PRKAA1: variants seen among roughly 807,000 people sequenced by gnomAD.
PRKAA1 encodes protein kinase AMP-activated catalytic subunit alpha 1, also known as 5'-AMP-activated protein kinase catalytic subunit alpha-1.
In PRKAA1, 23 loss-of-function variants were observed where a neutral mutation model predicts 56.9. The ratio of observed to expected loss-of-function variants is 0.40; its 90% CI spans 0.29 to 0.57. The LOEUF is 0.57. Among genes scored for constraint, PRKAA1 ranks in the 20% least tolerant of loss-of-function variants. The pLI, the probability that PRKAA1 is intolerant of heterozygous loss-of-function variation, is 0.39. For missense variants in PRKAA1, 413 were observed against 679.7 expected (o/e 0.61, Z 4.36); for synonymous variants, 226 against 227.0 (o/e 1.00, Z 0.04).
chr5:40,779,833 A>C (rs774840000), intron 1 of PRKAA1, among the ~76,000 whole-genome samples: 8 of 152,206 alleles, frequency 5.3e-5, no homozygotes, highest in Admixed American at 6.5e-5. Context: ...TTTTATGTAC[A>C]TGCACAATGC....
intron 8 of PRKAA1, 102 bp from the exon 9 acceptor site, chr5:40,763,124 T>C (rs1743269264): frequency 8.6e-7 from 1 of 1,165,686 alleles, no homozygotes; most frequent in African/African-American, 1.5e-5. Flanking sequence ...GCTGGCCAGC[T>C]ATCAAGAGCA....
At chr5:40,793,819 A>T (rs557507348) in intron 1 of PRKAA1, among the ~76,000 whole-genome samples, 1 of 152,110 alleles carries the variant, frequency 6.6e-6, no homozygotes, top group Non-Finnish European at 1.5e-5. Context: ...GATGTCTCCC[A>T]GCCCAGCACG....
At chr5:40,778,669 T>TA (rs1181627600) in intron 1 of PRKAA1, among the ~76,000 whole-genome samples, 3 of 152,062 alleles carry the variant, frequency 2.0e-5, no homozygotes, top group Non-Finnish European at 2.9e-5. Flanking sequence ...ATGTCATAGA[T>TA]ACATTTCCCC....
At chr5:40,793,226 T>G (rs1744788634) in intron 1 of PRKAA1, among the ~76,000 whole-genome samples, 1 of 152,124 alleles carries the variant, frequency 6.6e-6, no homozygotes, top group Non-Finnish European at 1.5e-5. Context: ...ATTACTCTGC[T>G]CATCCATGCT....
chr5:40,789,946 T>C (rs1220650800), intron 1 of PRKAA1: 2 of 152,230 alleles, frequency 1.3e-5, no homozygotes, highest in Admixed American at 1.3e-4. Context: ...TATTTACTTA[T>C]GGTAGGAATG....
rs1433777150 is a variant in PRKAA1 at position 40,764,544 on chromosome 5, T to C, written c.1405A>G (p.Thr469Ala). The C allele has an allele frequency of 6.2e-7, 1 of 1,611,850 alleles. No individual in the cohort carries two copies. Among genetic ancestry groups the C allele is most frequent in the African/African-American group, 1.3e-5 (1 of 74,896 alleles). Residue 469 changes from threonine (T) to alanine (A), a missense_variant, in exon 8 of 9, where the codon ACT (threonine) becomes GCT (alanine). Transcript: ENST00000397128. Reference sequence around the variant, plus strand: ...ATACTACGGAAATCCAGTAGATAAGTTCTACTATCCACTTGGTATAACTGT... The same window carrying C: ...ATACTACGGAAATCCAGTAGATAAGCTCTACTATCCACTTGGTATAACTGT... ...SLQLYQVDSR[T>A]YLLDFRSIDD...
chr5:40,790,525 C>CTTT (rs1554033592), intron 1 of PRKAA1, among the ~76,000 whole-genome samples: 9 of 112,024 alleles, frequency 8.0e-5, no homozygotes, highest in Admixed American at 8.4e-5. Flanking sequence ...TCAACTCTTT[C>CTTT]TTTTTTTTTT....
intron 1 of PRKAA1, among the ~76,000 whole-genome samples, 187 bp downstream of exon 1, chr5:40,797,876 A>G (rs1416631419): frequency 7.7e-6 from 1 of 130,436 alleles, no homozygotes; most frequent in South Asian, 2.9e-4. Context: ...CCCCACCCCC[A>G]CCCGGCCTGT....
At chr5:40,775,888 C>G (rs1180754672) in intron 2 of PRKAA1, among the ~76,000 whole-genome samples, 1 of 151,894 alleles carries the variant, frequency 6.6e-6, no homozygotes, top group Non-Finnish European at 1.5e-5. Flanking sequence ...CAAAGGTCCC[C>G]AAGTAGAAGC....
At position 40,764,634 on chromosome 5, in the gene PRKAA1, T is replaced by G; in HGVS notation, c.1315A>C (p.Asn439His). Residue 439 changes from asparagine to histidine, a missense_variant, in exon 8 of 9, where the codon AAC (asparagine) becomes CAC (histidine). Physicochemically the swap from Asn to His is moderately conservative, Grantham distance 68. This residue lies in a region of PRKAA1 where 139 missense variants were observed against 171.5 expected (regional missense o/e 0.81). Coordinates refer to ENST00000397128, the MANE Select transcript of PRKAA1 (RefSeq NM_006251.6). ...CTTCGTACACGCAAATAATATGGGT[T>G]TACAACCTAGCACATGGTATAACAA... ...KQLDYEWKVVNPYYLRVRRKN... is the reference protein window; with the variant it reads ...KQLDYEWKVVHPYYLRVRRKN... 6.2e-7 allele frequency: 1 copy of G among 1,613,810 alleles called. No individual in the cohort carries two copies. The highest frequency in any genetic ancestry group is 8.5e-7 in the Non-Finnish European group (1 of 1,179,864).
chr5:40,767,734 TAA>T (rs777921585), intron 5 of PRKAA1, 44 bp from the exon 6 acceptor site: 1 of 1,481,972 alleles, frequency 6.7e-7, no homozygotes, highest in South Asian at 1.2e-5. Context: ...CATTTTAACC[TAA>T]GATTCAGTTC....
rs1024289716 is a variant in PRKAA1 at position 40,760,429 on chromosome 5, C to G, written c.*2349G>C. On this transcript the variant is annotated 3_prime_UTR_variant, in exon 9 of 9. Coordinates refer to ENST00000397128, the MANE Select transcript of PRKAA1 (RefSeq NM_006251.6). ...TAATTGGTTCCTCCTTTTCTTCCCC[C>G]CTCCCCACAACAGCGTATATAGCGC... 1 of 152,632 alleles carries G rather than the reference C, an allele frequency of 6.6e-6. No individual in the cohort carries two copies. The highest frequency in any genetic ancestry group is 6.6e-5 in the Admixed American group (1 of 15,258). The allele number at this position is 152,632 out of a possible 1,614,324, so 9.5% of individuals were successfully genotyped here.
intron 1 of PRKAA1, among the ~76,000 whole-genome samples, chr5:40,779,312 C>A (rs1384070945): frequency 6.6e-6 from 1 of 151,964 alleles, no homozygotes; most frequent in Non-Finnish European, 1.5e-5. Flanking sequence ...AAATCACAAT[C>A]CCAAAAGAAC....
intron 1 of PRKAA1, among the ~76,000 whole-genome samples, chr5:40,782,595 T>C (rs1026303694): frequency 6.6e-6 from 1 of 152,208 alleles, no homozygotes; most frequent in Middle Eastern, 3.4e-3. Flanking sequence ...TTCAGAGTGA[T>C]AAGAAAATAT....
rs1366017573 is a variant in PRKAA1, at chr5:40,761,660, T to C, written c.*1118A>G. ...AAAGTTTGTAAGAGATAGTTTTCTA[T>C]GCACTGAATCAATTTAAAAGATACA... On this transcript the variant is annotated 3_prime_UTR_variant, in exon 9 of 9. Transcript: ENST00000397128. 1 of 152,322 alleles carries C rather than the reference T, an allele frequency of 6.6e-6. No individual in the cohort carries two copies. The highest frequency in any genetic ancestry group is 2.4e-5 in the African/African-American group (1 of 41,454). 9.4% of individuals were successfully genotyped at this position (152,322 alleles called of 1,614,324 possible). A position where few individuals can be genotyped will look rare whatever the true frequency, so the allele number is the denominator to read the frequency against.
chr5:40,774,628 G>C (rs1743910673), intron 3 of PRKAA1, among the ~76,000 whole-genome samples: 1 of 142,244 alleles, frequency 7.0e-6, no homozygotes, highest in South Asian at 2.2e-4. Context: ...ATCATGTTAA[G>C]AAATAGTAAA....
In PRKAA1 at chr5:40,765,947, G is replaced by GA. The variant is rs565828854; in HGVS notation, c.822-710dup. Reference sequence around the variant, plus strand: ...CTAAAACTAAATAAAATCCAGAGACGAAAAAAAAAACAAGAAAAGAACAAT... The same window carrying GA: ...CTAAAACTAAATAAAATCCAGAGACGAAAAAAAAAAACAAGAAAAGAACAAT... On this transcript the variant is annotated intron_variant, in intron 6 of 8. Transcript: ENST00000397128. Among the ~76,000 whole-genome samples, 1,200 of 144,026 alleles carry GA rather than the reference G, an allele frequency of 8.3e-3. 14 individuals are homozygous for GA. Among genetic ancestry groups the GA allele is most frequent in the African/African-American group, 0.023 (903 of 39,422 alleles). The allele number at this position is 144,026 out of a possible 152,430, so 94.5% of individuals were successfully genotyped here.
chr5:40,766,323 GATTT>G (rs1743432070), intron 6 of PRKAA1, among the ~76,000 whole-genome samples: 1 of 151,968 alleles, frequency 6.6e-6, no homozygotes, highest in Non-Finnish European at 1.5e-5. Flanking sequence ...ATCCATATCT[GATTT>G]CTTTCTTCCT....
chr5:40,767,271 G>A (rs1291395108), intron 6 of PRKAA1, among the ~76,000 whole-genome samples, 195 bp downstream of exon 6: 5 of 152,040 alleles, frequency 3.3e-5, no homozygotes, highest in African/African-American at 1.2e-4. Context: ...TCCCTCTTAC[G>A]AATCTTACTT....
Sources: allele counts gnomAD v4.1 joint callset (sites outside exome capture counted in the v4.1 genomes callset), GRCh38; gene constraint gnomAD v4.1.1; regional missense constraint gnomAD v4.1.1; transcripts MANE v1.5; gene names NCBI Gene and HGNC (gene_info 2026-07-23, HGNC 2026-07-21).